Variants in ZNF530 observed in about 807,000 individuals in gnomAD.
The protein encoded by ZNF530 is zinc finger protein 530.
A neutral mutation model predicts 2.8 loss-of-function variants in ZNF530; 5 were observed. That is an observed-to-expected ratio of 1.80 (90% confidence interval 0.94 to 3.78). The LOEUF (loss-of-function observed/expected upper bound fraction) is 3.78, where lower values mean the gene tolerates loss of function less well. ZNF530 is among the 30% of genes most tolerant of loss of function. ZNF530 has a pLI of 0.00. For missense variants in ZNF530, 619 were observed against 673.3 expected, an observed-to-expected ratio of 0.92 and a Z score of 0.89; for synonymous variants, 229 against 235.0, an observed-to-expected ratio of 0.97 and a Z score of 0.23.
Position 57,607,082 on chromosome 19 carries a change from T to C in ZNF530, c.1458T>C (p.Tyr486=), listed in dbSNP as rs754435327. ...HQTVHTNERP[Y]ECDECGKSYS... ...CTGTTCACACTAATGAAAGGCCTTA[T>C]GAGTGCGATGAATGTGGGAAATCCT... Residue 486 remains tyrosine, a synonymous_variant, in exon 4 of 4, where the codon TAT becomes TAC. Transcript: ENST00000597700. 3.1e-6 allele frequency: 5 copies of C among 1,613,342 alleles called. No individual in the cohort carries two copies. Among genetic ancestry groups the C allele is most frequent in the Non-Finnish European group, 4.2e-6 (5 of 1,179,532 alleles).
downstream of ZNF530, among the ~76,000 whole-genome samples, chr19:57,612,106 T>C (rs1980897704): frequency 6.6e-6 from 1 of 152,200 alleles, no homozygotes; most frequent in Non-Finnish European, 1.5e-5. Flanking sequence ...TGAGTAACAT[T>C]AAACTTTTAT....
intron 2 of ZNF530, among the ~76,000 whole-genome samples, chr19:57,602,979 C>G (rs1980316955): frequency 6.6e-6 from 1 of 152,188 alleles, no homozygotes; most frequent in South Asian, 2.1e-4. Context: ...CAGCCTCCAC[C>G]TCCCAGACTC....
Position 57,609,222 on chromosome 19 carries a change from TC to T in ZNF530, c.*1898del, listed in dbSNP as rs1980756988. On this transcript the variant is annotated 3_prime_UTR_variant, in exon 4 of 4. Transcript: ENST00000597700. ...GGTGCACGTCTATAATCCCAGCTGC[TC>T]TGAAGGCTGACGCACCAAGAATAGC... Among the ~76,000 whole-genome samples, 1 of 150,182 alleles carries T rather than the reference TC, an allele frequency of 6.7e-6. No individual in the cohort carries two copies. The highest frequency in any genetic ancestry group is 1.5e-5 in the Non-Finnish European group (1 of 67,754).
chr19:57,605,582 T>C, intron 3 of ZNF530, 104 bp from the exon 4 acceptor site: 1 of 1,217,748 alleles, frequency 8.2e-7, no homozygotes, highest in South Asian at 1.6e-5. Context: ...CCAGCTCTCA[T>C]ATCCTAAAAA....
At chr19:57,605,225 CTCCA>C (rs2053297335) in intron 3 of ZNF530, 1 of 153,530 alleles carries the variant, frequency 6.5e-6, no homozygotes, top group African/African-American at 2.4e-5. Context: ...AATTTCTGGC[CTCCA>C]TGTGTCACCT....
chr19:57,605,040 A>C (rs902940942), intron 3 of ZNF530: 1 of 153,534 alleles, frequency 6.5e-6, no homozygotes, highest in African/African-American at 2.4e-5. Flanking sequence ...AATGAGTGAC[A>C]ACTAAGGGAG....
chr19:57,612,703 A>G (rs1384946960), downstream of ZNF530: 2 of 389,350 alleles, frequency 5.1e-6, no homozygotes, highest in African/African-American at 4.1e-5. Flanking sequence ...AATAAATAAA[A>G]TTACATTTTG....
At position 57,607,344 on chromosome 19, in the gene ZNF530, TCA is replaced by T. The variant is rs1167403580; in HGVS notation, c.*21_*22del. ...GCAGTGAATGTGGGAAATTATTTTGTCACTTTTTTTTTTTTTTTTGAGATGGA... is the reference window on the plus strand; with the variant it reads ...GCAGTGAATGTGGGAAATTATTTTGTCTTTTTTTTTTTTTTTTGAGATGGA... On this transcript the variant is annotated 3_prime_UTR_variant, in exon 4 of 4. Transcript: ENST00000597700. 2 of 1,514,276 alleles carry T rather than the reference TCA, an allele frequency of 1.3e-6. No individual in the cohort carries two copies. Among genetic ancestry groups the T allele is most frequent in the East Asian group, 2.3e-5 (1 of 43,478 alleles). 93.8% of individuals were successfully genotyped at this position (1,514,276 alleles called of 1,614,324 possible). A position where few individuals can be genotyped will look rare whatever the true frequency, so the allele number is the denominator to read the frequency against.
At chr19:57,602,622 C>T (rs548014863) in intron 2 of ZNF530, among the ~76,000 whole-genome samples, 2 of 152,282 alleles carry the variant, frequency 1.3e-5, no homozygotes, top group South Asian at 4.1e-4. Context: ...AGGAATAATA[C>T]AGAGAGAGGA....
Position 57,606,090 on chromosome 19 carries a change from A to G in ZNF530, c.466A>G (p.Thr156Ala). 6.2e-7 allele frequency: 1 copy of G among 1,613,938 alleles called. No individual in the cohort carries two copies. Among genetic ancestry groups the G allele is most frequent in the Non-Finnish European group, 8.5e-7 (1 of 1,179,990 alleles). ...ATSGLLQHQV[T>A]PTIERPHSRI... is the part of the protein sequence containing the mutation. ...CTCAGGACTTCTCCAGCATCAGGTG[A>G]CTCCCACCATTGAGAGACCACACAG... The change falls in exon 4 of 4, where the codon ACT becomes GCT. Residue 156 changes from threonine (T) to alanine (A), a missense_variant. Transcript: ENST00000597700.
At position 57,599,954 on chromosome 19, in the gene ZNF530, TG is replaced by T; in HGVS notation, c.-300del. On this transcript the variant is annotated 5_prime_UTR_variant, in exon 1 of 4. Coordinates refer to ENST00000597700, the MANE Select transcript of ZNF530 (RefSeq NM_001321981.2). ...CAGTTCCATCCGCGGGTGCCGGATC[TG>T]GACCTAGGTGCTGACAGCGAGAAGG... 2 of 860,510 alleles carry T rather than the reference TG, an allele frequency of 2.3e-6. No individual in the cohort carries two copies. The highest frequency in any genetic ancestry group is 3.4e-6 in the Non-Finnish European group (2 of 591,930). 53.3% of individuals were successfully genotyped at this position (860,510 alleles called of 1,614,324 possible). A position where few individuals can be genotyped will look rare whatever the true frequency, so the allele number is the denominator to read the frequency against.
In ZNF530 at chr19:57,604,407, G is replaced by A; in HGVS notation, c.61+1G>A. The A allele has an allele frequency of 1.9e-6, 3 of 1,613,094 alleles. No homozygotes were observed. Among genetic ancestry groups the A allele is most frequent in the South Asian group, 1.1e-5 (1 of 91,014 alleles). On this transcript the variant is annotated splice_donor_variant, in intron 3 of 3. Coordinates refer to ENST00000597700, the MANE Select transcript of ZNF530 (RefSeq NM_001321981.2). LOFTEE classifies it high-confidence loss of function. ...AACTTTGCAGTTATGGCATCCCTAG[G>A]TAAGGCCCTCCTATTCCTCCCAGTT... is the stretch of plus-strand genomic sequence containing the variant.
chr19:57,612,686 TTAAA>T (rs1980920725), downstream of ZNF530: 3 of 392,884 alleles, frequency 7.6e-6, no homozygotes, highest in Non-Finnish European at 1.3e-5. Flanking sequence ...GTCTCCAAAA[TTAAA>T]TAAATAAATA....
rs78291041 is a variant in ZNF530 at position 57,607,230 on chromosome 19, C to A, written c.1606C>A (p.His536Asn). ...TCACCTCATTCAACACAAGACAGTTCACACTGGAGAAAGGCCTTATGAATG... is the reference window on the plus strand; with the variant it reads ...TCACCTCATTCAACACAAGACAGTTAACACTGGAGAAAGGCCTTATGAATG... Reference protein sequence around the residue: ...KNHLIQHKTVHTGERPYECSE... With the variant: ...KNHLIQHKTVNTGERPYECSE... The change falls in exon 4 of 4, where the codon CAC becomes AAC. Residue 536 changes from histidine to asparagine, a missense_variant. His to Asn is a moderately conservative substitution (Grantham distance 68, BLOSUM62 1). Transcript: ENST00000597700. 1.5e-5 allele frequency: 25 copies of A among 1,614,042 alleles called. No individual in the cohort carries two copies. Among genetic ancestry groups the A allele is most frequent in the Middle Eastern group, 3.3e-4 (2 of 6,084 alleles).
At chr19:57,601,752 C>T (rs1156650688) in intron 2 of ZNF530, among the ~76,000 whole-genome samples, 2 of 152,226 alleles carry the variant, frequency 1.3e-5, no homozygotes, top group African/African-American at 4.8e-5. Flanking sequence ...GCTTATAGTT[C>T]TGCAGGCTGT....
intron 2 of ZNF530, among the ~76,000 whole-genome samples, chr19:57,603,488 T>G (rs1361460239): frequency 6.6e-6 from 1 of 152,160 alleles, no homozygotes; most frequent in Non-Finnish European, 1.5e-5. Flanking sequence ...GTGGATCAGT[T>G]TAGGGGCAGA....
chr19:57,610,888 C>CT (rs550979696), downstream of ZNF530, among the ~76,000 whole-genome samples: 8 of 152,028 alleles, frequency 5.3e-5, no homozygotes, highest in East Asian at 9.6e-4. Context: ...ATTCCTCAAC[C>CT]TTTTTTTTCA....
chr19:57,604,138 C>T (rs1980378822), intron 2 of ZNF530, 139 bp from the exon 3 acceptor site: 2 of 1,124,556 alleles, frequency 1.8e-6, no homozygotes, highest in East Asian at 2.4e-5. Flanking sequence ...AGAGAGTAGG[C>T]ATCAGTGGCA....
At chr19:57,603,769 G>C (rs1479336629) in intron 2 of ZNF530, among the ~76,000 whole-genome samples, 1 of 152,224 alleles carries the variant, frequency 6.6e-6, no homozygotes, top group Non-Finnish European at 1.5e-5. Flanking sequence ...GGTCTGGGTA[G>C]TCCTGGAACT....
Sources: allele counts gnomAD v4.1 joint callset (sites outside exome capture counted in the v4.1 genomes callset), GRCh38; gene constraint gnomAD v4.1.1; transcripts MANE v1.5; gene names NCBI Gene and HGNC (gene_info 2026-07-23, HGNC 2026-07-21).